The following ARHGAP39 variants were observed in gnomAD, a reference collection of about 807,000 sequenced individuals.
The protein encoded by ARHGAP39 is Rho GTPase activating protein 39, also known as rho GTPase-activating protein 39.
Under a neutral mutation model 106.9 loss-of-function variants are expected in ARHGAP39, and 44 were observed. The ratio of observed to expected loss-of-function variants is 0.41; its 90% CI spans 0.32 to 0.53. The LOEUF is 0.53. Ranked by LOEUF, ARHGAP39 falls within the 20% of genes least tolerant of loss-of-function variation. The pLI is 0.21. For synonymous variants in ARHGAP39, 768 were observed against 693.2 expected (o/e 1.11, Z -1.69); for missense variants, 1,496 against 1,577.3 (o/e 0.95, Z 0.87).
intron 1 of ARHGAP39, among the ~76,000 whole-genome samples, chr8:144,665,015 C>T (rs1296052959): frequency 6.6e-6 from 1 of 152,188 alleles, no homozygotes; most frequent in Non-Finnish European, 1.5e-5. Flanking sequence ...CTCCTAGAGA[C>T]TTGTTGAACG....
At chr8:144,619,926 G>A (rs575825123) in intron 1 of ARHGAP39, among the ~76,000 whole-genome samples, 25 of 146,910 alleles carry the variant, frequency 1.7e-4, no homozygotes, top group East Asian at 2.1e-4. Flanking sequence ...CCGTGTGCGT[G>A]TGAGCCTGTG....
intron 1 of ARHGAP39, among the ~76,000 whole-genome samples, chr8:144,682,572 T>C (rs2129771982): frequency 6.6e-6 from 1 of 150,644 alleles, no homozygotes; most frequent in African/African-American, 2.5e-5. Context: ...AAAAAAAAAT[T>C]CTTACTTCTC....
chr8:144,589,410 C>T (rs377206111), intron 2 of ARHGAP39, among the ~76,000 whole-genome samples: 77 of 152,286 alleles, frequency 5.1e-4, no homozygotes, highest in African/African-American at 1.8e-3. Flanking sequence ...GGGACAGGAG[C>T]GCCCAGAGCA....
chr8:144,680,208 C>G (rs1319040670), intron 1 of ARHGAP39, among the ~76,000 whole-genome samples: 1 of 152,128 alleles, frequency 6.6e-6, no homozygotes, highest in Non-Finnish European at 1.5e-5. Flanking sequence ...GCTAGAAGAC[C>G]ACCTCGTCTT....
intron 1 of ARHGAP39, among the ~76,000 whole-genome samples, chr8:144,606,610 A>AAGGAGGAGGAGG (rs537326469): frequency 6.6e-6 from 1 of 150,880 alleles, no homozygotes; most frequent in African/African-American, 2.4e-5. Context: ...GGAGGAGGAG[A>AAGGAGGAGGAGG]AGGAGGAGGA....
At chr8:144,530,655 C>T in intron 11 of ARHGAP39, 39 bp from the exon 12 acceptor site, 10 of 310,950 alleles carry the variant, frequency 3.2e-5, no homozygotes, top group Admixed American at 2.6e-4. Context: ...GGGGCGGGGG[C>T]GGGGCGGGGA....
intron 2 of ARHGAP39, among the ~76,000 whole-genome samples, chr8:144,583,069 G>T (rs185528681): frequency 2.5e-3 from 383 of 152,058 alleles, no homozygotes; most frequent in Non-Finnish European, 4.3e-3. Context: ...CAAACCACAC[G>T]CAACAGGGGC....
At chr8:144,605,046 C>A (rs543155112) in intron 2 of ARHGAP39, among the ~76,000 whole-genome samples, 2 of 152,128 alleles carry the variant, frequency 1.3e-5, no homozygotes, top group African/African-American at 4.8e-5. Flanking sequence ...CCAAAAGGAT[C>A]GCTTGAGCCC....
At position 144,679,755 on chromosome 8, in the gene ARHGAP39, C is replaced by T. The variant is rs1470584639; in HGVS notation, c.-82+5931G>A. Reference sequence around the variant, plus strand: ...CAGCACTTTGGGAGGCCAAGGCGGGCGGATCACGAGGTCAGGAGATCGAGA... The same window carrying T: ...CAGCACTTTGGGAGGCCAAGGCGGGTGGATCACGAGGTCAGGAGATCGAGA... On this transcript the variant is annotated intron_variant, in intron 1 of 11. Coordinates refer to ENST00000377307, the MANE Select transcript of ARHGAP39 (RefSeq NM_025251.3). The surrounding 1 kb of genome is among the most constrained non-coding windows in gnomAD (Gnocchi z 4.7). Among the ~76,000 whole-genome samples, 11 of 152,160 alleles carry T rather than the reference C, an allele frequency of 7.2e-5. No individual in the cohort carries two copies. Among genetic ancestry groups the T allele is most frequent in the African/African-American group, 1.4e-4 (6 of 41,426 alleles).
At chr8:144,642,687 C>A (rs1329599587) in intron 1 of ARHGAP39, among the ~76,000 whole-genome samples, 2 of 152,148 alleles carry the variant, frequency 1.3e-5, no homozygotes, top group South Asian at 2.1e-4. Context: ...GTCATGAGAT[C>A]CGATGGTTTT....
In ARHGAP39 at chr8:144,644,791, C is replaced by A. The variant is rs1052541898; in HGVS notation, c.-81-39096G>T. ...TCTGCACAGCTCTTGGCTGCACCTG[C>A]ACTCTGAGTCATTGCAGGCACCAAA... On this transcript the variant is annotated intron_variant, in intron 1 of 11. Transcript: ENST00000377307. This position sits in a 1 kb window ranked among gnomAD's most constrained non-coding sequence, Gnocchi z 4.8. 2.6e-5 allele frequency among the ~76,000 whole-genome samples: 4 copies of A among 152,362 alleles called. No individual in the cohort carries two copies. Among genetic ancestry groups the A allele is most frequent in the Admixed American group, 2.0e-4 (3 of 15,304 alleles).
Position 144,545,261 on chromosome 8 carries a change from T to C in ARHGAP39, c.2509A>G (p.Asn837Asp), listed in dbSNP as rs1817360115. 2 of 1,542,638 alleles carry C rather than the reference T, an allele frequency of 1.3e-6. No individual in the cohort carries two copies. The highest frequency in any genetic ancestry group is 3.8e-5 in the Admixed American group (2 of 52,870). The stretch of plus-strand genomic sequence containing the variant: ...TGCATGGCCTTACCTTTAGTGTCAT[T>C]GACGGGGTCCATGTGCCGGTAGATG... ...GYIYRHMDPV[N>D]DTKVTQHIKE... The change falls in exon 6 of 12, where the codon AAT becomes GAT. Residue 837 changes from asparagine (N) to aspartate (D), a missense_variant. By Grantham distance (23) the Asn-to-Asp change is conservative. This residue lies in a region of ARHGAP39 where 470 missense variants were observed against 605.1 expected (regional missense o/e 0.78). Coordinates refer to ENST00000377307, the MANE Select transcript of ARHGAP39 (RefSeq NM_025251.3).
chr8:144,543,980 G>A (rs866457202), intron 6 of ARHGAP39: 1 of 152,500 alleles, frequency 6.6e-6, no homozygotes. Flanking sequence ...TCTGGAAGAG[G>A]AAGAGGAGGT....
At chr8:144,609,780 T>C (rs1820427144) in intron 1 of ARHGAP39, among the ~76,000 whole-genome samples, 1 of 152,204 alleles carries the variant, frequency 6.6e-6, no homozygotes, top group Admixed American at 6.5e-5. Context: ...TTCATATTCA[T>C]TTTTGCATCT....
rs771582976 is a variant in ARHGAP39 at position 144,684,261 on chromosome 8, C to T, written c.-82+1425G>A. Among the ~76,000 whole-genome samples the T allele has an allele frequency of 9.2e-5, 14 of 152,204 alleles. No homozygotes were observed. Among genetic ancestry groups the T allele is most frequent in the Non-Finnish European group, 1.5e-4 (10 of 68,036 alleles). ...CCAGGGCGGTTTATGGAATGAGTCT[C>T]CTCGATTTACAGCCACACCTCCTAT... On this transcript the variant is annotated intron_variant, in intron 1 of 11. Transcript: ENST00000377307. This position sits in a 1 kb window ranked among gnomAD's most constrained non-coding sequence, Gnocchi z 4.4.
rs1453936126 is a variant in ARHGAP39 at position 144,548,543 on chromosome 8, C to T, written c.597-54G>A. 14 of 1,569,604 alleles carry T rather than the reference C, an allele frequency of 8.9e-6. No individual in the cohort carries two copies. The East Asian group carries it at 1.1e-4, about 13-fold the overall frequency. On this transcript the variant is annotated intron_variant, in intron 4 of 11. Coordinates refer to ENST00000377307, the MANE Select transcript of ARHGAP39 (RefSeq NM_025251.3). The surrounding 1 kb of genome is among the most constrained non-coding windows in gnomAD (Gnocchi z 7.4). ...ACTGCCTGCCTGCTGCTTCTGGGCA[C>T]GCCCCACCCCCTCGGGGGCTGTAGG...
chr8:144,531,161 G>T (rs998577726), intron 10 of ARHGAP39, among the ~76,000 whole-genome samples: 2 of 152,156 alleles, frequency 1.3e-5, no homozygotes, highest in Non-Finnish European at 2.9e-5. Context: ...GGTGTCTGCA[G>T]AGCAGGCACA....
intron 1 of ARHGAP39, among the ~76,000 whole-genome samples, chr8:144,657,157 G>T (rs559169703): frequency 6.6e-5 from 10 of 151,942 alleles, no homozygotes; most frequent in Admixed American, 3.3e-4. Flanking sequence ...ACTTTTGCAG[G>T]CCAAGGTGGG....
At position 144,580,892 on chromosome 8, in the gene ARHGAP39, C is replaced by G; in HGVS notation, c.466G>C (p.Ala156Pro). The change falls in exon 3 of 12, where the codon GCC becomes CCC. Residue 156 changes from alanine (A) to proline (P), a missense_variant. Around this residue, in one of 4 missense-constraint regions of ARHGAP39, gnomAD observed 905 missense variants for 816.4 expected, o/e 1.11. Coordinates refer to ENST00000377307, the MANE Select transcript of ARHGAP39 (RefSeq NM_025251.3). ...GTCCCAAACGCCGCGGGCCGCCCGG[C>G]CCTCGCTGGCAACTCCTGCGCTTTC... is the stretch of plus-strand genomic sequence containing the variant. ...TEKAQELPAR[A>P]GRPAAFGTVK... 1 of 1,593,514 alleles carries G rather than the reference C, an allele frequency of 6.3e-7. No homozygotes were observed. Among genetic ancestry groups the G allele is most frequent in the Non-Finnish European group, 8.5e-7 (1 of 1,174,240 alleles).
Sources: allele counts gnomAD v4.1 joint callset (sites outside exome capture counted in the v4.1 genomes callset), GRCh38; gene constraint gnomAD v4.1.1; regional missense constraint gnomAD v4.1.1; non-coding constraint Gnocchi (gnomAD v3.1); transcripts MANE v1.5; gene names NCBI Gene and HGNC (gene_info 2026-07-23, HGNC 2026-07-21).